The following CCNY variants were observed in gnomAD, a reference collection of about 807,000 sequenced individuals.
The protein encoded by CCNY is cyclin-Y.
CCNY carries 19 observed loss-of-function variants against 42.8 expected under a neutral mutation model. The observed-to-expected ratio is 0.44, with a 90% CI of 0.31 to 0.65. CCNY has a LOEUF of 0.65. CCNY is among the 30% of genes least tolerant of loss of function. CCNY has a pLI of 0.07. For missense variants in CCNY, 370 were observed against 437.3 expected, an observed-to-expected ratio of 0.85 and a Z score of 1.37; for synonymous variants, 165 against 162.7, an observed-to-expected ratio of 1.01 and a Z score of -0.11.
At chr10:35,489,070 G>A (rs953561296) in intron 2 of CCNY, among the ~76,000 whole-genome samples, 12 of 152,160 alleles carry the variant, frequency 7.9e-5, no homozygotes, top group African/African-American at 2.7e-4. Flanking sequence ...ACGAGGTCAG[G>A]AGATCGAGAC....
At position 35,530,442 on chromosome 10, in the gene CCNY, G is replaced by C. The variant is rs191051238; in HGVS notation, c.579+199G>C. On this transcript the variant is annotated intron_variant, in intron 7 of 9. Transcript: ENST00000374704. The surrounding 1 kb of genome is among the most constrained non-coding windows in gnomAD (Gnocchi z 4.3). ...CGGAAGAGATTGTGAAGATTGTTCT[G>C]TAGCCCCCACCTAAAGTCATTTGTG... 1.8e-3 allele frequency among the ~76,000 whole-genome samples: 270 copies of C among 152,336 alleles called. 3 individuals carry two copies. Among genetic ancestry groups the C allele is most frequent in the Middle Eastern group, 3.4e-3 (1 of 294 alleles).
rs549056892 is a variant in CCNY, at chr10:35,551,827, C to T, written c.580-1192C>T. 1.2e-4 allele frequency among the ~76,000 whole-genome samples: 18 copies of T among 152,206 alleles called. No individual in the cohort carries two copies. In the South Asian group the frequency reaches 1.2e-3, roughly 11 times the overall value. On this transcript the variant is annotated intron_variant, in intron 7 of 9. Coordinates refer to ENST00000374704, the MANE Select transcript of CCNY (RefSeq NM_145012.6). ...ATAAAATCCTAATCGCAGTGATATA[C>T]GACTTCACACACATTAGGATGACTA...
intron 5 of CCNY, among the ~76,000 whole-genome samples, chr10:35,526,782 G>A (rs1425306972): frequency 6.6e-6 from 1 of 151,302 alleles, no homozygotes; most frequent in Non-Finnish European, 1.5e-5. Flanking sequence ...TTTATTTTTA[G>A]TGATTTCCTT....
intron 3 of CCNY, among the ~76,000 whole-genome samples, chr10:35,283,517 C>A (rs897532111): frequency 1.3e-5 from 2 of 151,960 alleles, no homozygotes; most frequent in Non-Finnish European, 2.9e-5. Flanking sequence ...GATTCTCCTG[C>A]CTCAGCCTCC....
intron 3 of CCNY, among the ~76,000 whole-genome samples, chr10:35,256,664 G>A (rs1309052811): frequency 1.3e-5 from 2 of 151,772 alleles, no homozygotes; most frequent in Non-Finnish European, 2.9e-5. Flanking sequence ...CCAGGAGGCG[G>A]AGGTTGCAGT....
chr10:35,344,755 G>GT (rs1174950651), intron 1 of CCNY, among the ~76,000 whole-genome samples: 1 of 152,018 alleles, frequency 6.6e-6, no homozygotes, highest in Non-Finnish European at 1.5e-5. Flanking sequence ...GCCCCGGTGT[G>GT]TGATGTTCCC....
rs935589579 is a variant in CCNY, at chr10:35,509,802, G to A, written c.265-6721G>A. Among the ~76,000 whole-genome samples the A allele has an allele frequency of 2.6e-5, 4 of 152,188 alleles. No homozygotes were observed. The East Asian group carries it at 7.7e-4, about 29-fold the overall frequency. On this transcript the variant is annotated intron_variant, in intron 3 of 9. Coordinates refer to ENST00000374704, the MANE Select transcript of CCNY (RefSeq NM_145012.6). ...CTGATCAGTGCTCTGGGTTTCACAG[G>A]CTTCAGAATCCCACACAAAGTTCTT... is the stretch of plus-strand genomic sequence containing the variant.
At chr10:35,267,893 T>C (rs1041127127) in intron 3 of CCNY, among the ~76,000 whole-genome samples, 5 of 152,194 alleles carry the variant, frequency 3.3e-5, no homozygotes, top group African/African-American at 1.2e-4. Flanking sequence ...TGGGGTGTTG[T>C]TGATGGCTGA....
chr10:35,397,427 G>A (rs558345016), intron 1 of CCNY, among the ~76,000 whole-genome samples: 1 of 152,266 alleles, frequency 6.6e-6, no homozygotes, highest in South Asian at 2.1e-4. Context: ...CTTATCTCTG[G>A]GAGGTAGCTT....
At chr10:35,462,357 C>G (rs1341921765) in intron 1 of CCNY, among the ~76,000 whole-genome samples, 3 of 152,178 alleles carry the variant, frequency 2.0e-5, no homozygotes, top group African/African-American at 7.2e-5. Flanking sequence ...TCCCTTTCTC[C>G]TGTATTTTGC....
intron 3 of CCNY, among the ~76,000 whole-genome samples, chr10:35,308,182 A>G (rs1429684384): frequency 6.6e-6 from 1 of 151,992 alleles, no homozygotes; most frequent in Non-Finnish European, 1.5e-5. Context: ...TCTAAGATCA[A>G]AGCACTAACA....
At chr10:35,537,680 A>G (rs1339209078) in intron 7 of CCNY, among the ~76,000 whole-genome samples, 1 of 151,952 alleles carries the variant, frequency 6.6e-6, no homozygotes, top group Admixed American at 6.6e-5. Flanking sequence ...GTTTTGGCCA[A>G]TTTTTCCCCT....
Position 35,426,111 on chromosome 10 carries a change from GCA to G in CCNY, c.155-57246_155-57245del, listed in dbSNP as rs1055933724. 8.2e-3 allele frequency among the ~76,000 whole-genome samples: 660 copies of G among 80,472 alleles called. 3 individuals are homozygous for G. Among genetic ancestry groups the G allele is most frequent in the African/African-American group, 0.02 (367 of 18,790 alleles). 52.8% of individuals were successfully genotyped at this position (80,472 alleles called of 152,430 possible). Reference sequence around the variant, plus strand: ...TTCTCCCTTCACTGGTCCAGCACGCGCACACACACACACACACACACACACAC... The same window carrying G: ...TTCTCCCTTCACTGGTCCAGCACGCGCACACACACACACACACACACACAC... On this transcript the variant is annotated intron_variant, in intron 1 of 9. Transcript: ENST00000374704.
intron 1 of CCNY, among the ~76,000 whole-genome samples, chr10:35,360,006 A>G (rs2135153433): frequency 6.6e-6 from 1 of 152,260 alleles, no homozygotes; most frequent in East Asian, 1.9e-4. Flanking sequence ...TTACCCATTC[A>G]TCTCTTGTTG....
intron 2 of CCNY, among the ~76,000 whole-genome samples, chr10:35,485,001 C>G (rs765044669): frequency 6.6e-6 from 1 of 152,214 alleles, no homozygotes; most frequent in Non-Finnish European, 1.5e-5. Context: ...GATATCATTC[C>G]CTTTCCTCTT....
At chr10:35,357,202 C>G in intron 1 of CCNY, among the ~76,000 whole-genome samples, 1 of 151,454 alleles carries the variant, frequency 6.6e-6, no homozygotes, top group South Asian at 2.1e-4. Flanking sequence ...CAGCCCCAGC[C>G]CCAGCCCCAG....
At chr10:35,368,179 A>G (rs1374627611) in intron 1 of CCNY, among the ~76,000 whole-genome samples, 1 of 152,220 alleles carries the variant, frequency 6.6e-6, no homozygotes, top group Non-Finnish European at 1.5e-5. Context: ...CTGCCCAGAA[A>G]TCTGGAGACC....
chr10:35,546,198 T>C (rs1310866376), intron 7 of CCNY, among the ~76,000 whole-genome samples: 1 of 152,234 alleles, frequency 6.6e-6, no homozygotes, highest in East Asian at 1.9e-4. Flanking sequence ...AGAAATTATA[T>C]CTGGTACAGA....
rs1009431103 is a variant in CCNY, at chr10:35,336,703, G to A, written c.-351G>A. Among the ~76,000 whole-genome samples the A allele has an allele frequency of 6.8e-6, 1 of 147,310 alleles. No individual in the cohort carries two copies. The highest frequency in any genetic ancestry group is 6.7e-5 in the Admixed American group (1 of 14,836). ...AGCGGACACCAACTGGGGAAGCGCG[G>A]GGGGGAGGCGGCCTGCGCGGCGCCG... On this transcript the variant is annotated 5_prime_UTR_variant, in exon 1 of 10. Coordinates refer to ENST00000374704, the MANE Select transcript of CCNY (RefSeq NM_145012.6).
Sources: allele counts gnomAD v4.1 joint callset (sites outside exome capture counted in the v4.1 genomes callset), GRCh38; gene constraint gnomAD v4.1.1; non-coding constraint Gnocchi (gnomAD v3.1); transcripts MANE v1.5; gene names NCBI Gene and HGNC (gene_info 2026-07-23, HGNC 2026-07-21).